ZNF503: variants seen among roughly 807,000 people sequenced by gnomAD.
ZNF503 encodes NocA-like zinc finger 2.
ZNF503 carries 15 observed loss-of-function variants against 34.4 expected under a neutral mutation model. That is an observed-to-expected ratio of 0.44 (90% CI 0.29 to 0.67). The LOEUF (loss-of-function observed/expected upper bound fraction) is 0.67, where lower values mean the gene tolerates loss of function less well. Ranked by LOEUF, ZNF503 falls within the 30% of genes least tolerant of loss-of-function variation. The pLI, the probability that ZNF503 is intolerant of heterozygous loss-of-function variation, is 0.13. For synonymous variants in ZNF503, 580 were observed against 456.8 expected, an observed-to-expected ratio of 1.27 and a Z score of -3.44; for missense variants, 1,007 against 926.8, an observed-to-expected ratio of 1.09 and a Z score of -1.12.
chr10:75,373,727 G>A, the ZNF503 span, among the ~76,000 whole-genome samples: 1 of 152,210 alleles, frequency 6.6e-6, no homozygotes, highest in African/African-American at 2.4e-5. Flanking sequence ...TGCAAAACAA[G>A]GAGAGGAATT....
the ZNF503 span, among the ~76,000 whole-genome samples, chr10:75,375,427 G>A: frequency 3.3e-5 from 5 of 152,098 alleles, no homozygotes; most frequent in Non-Finnish European, 7.4e-5. Context: ...CAGCCCAGAG[G>A]CTTTCATATG....
the ZNF503 span, among the ~76,000 whole-genome samples, chr10:75,368,373 A>G: frequency 3.3e-5 from 5 of 152,230 alleles, no homozygotes; most frequent in Non-Finnish European, 7.3e-5. Flanking sequence ...GAAGGGTTCA[A>G]AAATAAAAAA....
chr10:75,333,403 T>A, the ZNF503 span, among the ~76,000 whole-genome samples: 1 of 25,444 alleles, frequency 3.9e-5, no homozygotes, highest in Non-Finnish European at 7.3e-5. Flanking sequence ...GCTGGCCGGG[T>A]GGAGGGCTGA....
chr10:75,372,472 A>G, the ZNF503 span, among the ~76,000 whole-genome samples: 1 of 152,226 alleles, frequency 6.6e-6, no homozygotes. Context: ...CCACCACAGC[A>G]TCAAAACAGT....
At chr10:75,329,194 A>G in the ZNF503 span, among the ~76,000 whole-genome samples, 11 of 151,552 alleles carry the variant, frequency 7.3e-5, no homozygotes, top group South Asian at 6.3e-4. Context: ...TTGCTTTCTT[A>G]ATTTCTTTCT....
chr10:75,308,736 A>G, the ZNF503 span, among the ~76,000 whole-genome samples: 1 of 152,266 alleles, frequency 6.6e-6, no homozygotes, highest in Non-Finnish European at 1.5e-5. Flanking sequence ...CAGATGTGGT[A>G]GAAATAGCAA....
At chr10:75,369,084 A>G in the ZNF503 span, among the ~76,000 whole-genome samples, 6 of 152,204 alleles carry the variant, frequency 3.9e-5, no homozygotes, top group Non-Finnish European at 8.8e-5. Context: ...TTTAAGATAC[A>G]TTATTAAGTG....
the ZNF503 span, among the ~76,000 whole-genome samples, chr10:75,308,321 T>C: frequency 6.6e-6 from 1 of 151,426 alleles, no homozygotes; most frequent in African/African-American, 2.4e-5. Flanking sequence ...GAAAAAAAGA[T>C]TTCTTTTAAA....
chr10:75,345,417 A>G, the ZNF503 span, among the ~76,000 whole-genome samples: 1 of 151,968 alleles, frequency 6.6e-6, no homozygotes, highest in South Asian at 2.1e-4. Flanking sequence ...CAGGTGGATC[A>G]TGAGGTCAGG....
the ZNF503 span, among the ~76,000 whole-genome samples, chr10:75,336,004 A>G: frequency 6.6e-6 from 1 of 152,202 alleles, no homozygotes; most frequent in East Asian, 1.9e-4. Flanking sequence ...GACATTATCA[A>G]CTGGCAGCAT....
the ZNF503 span, among the ~76,000 whole-genome samples, chr10:75,365,442 G>A: frequency 2.0e-5 from 3 of 152,310 alleles, no homozygotes; most frequent in Non-Finnish European, 2.9e-5. Flanking sequence ...CACCGTGCCC[G>A]GCCCCACTTC....
the ZNF503 span, among the ~76,000 whole-genome samples, chr10:75,390,581 T>G: frequency 1.3e-5 from 2 of 152,216 alleles, no homozygotes; most frequent in East Asian, 3.9e-4. Flanking sequence ...TGAGGGCTTC[T>G]CCAGTAGCAC....
the ZNF503 span, among the ~76,000 whole-genome samples, chr10:75,329,426 C>T: frequency 1.2e-4 from 15 of 125,558 alleles, no homozygotes; most frequent in Admixed American, 3.3e-4. Context: ...TTCCTTCCTT[C>T]CTTCCTTCCT....
At chr10:75,311,407 C>T in the ZNF503 span, among the ~76,000 whole-genome samples, 1 of 152,170 alleles carries the variant, frequency 6.6e-6, no homozygotes, top group Non-Finnish European at 1.5e-5. Flanking sequence ...ATCCTTCAAT[C>T]CAATCAAATT....
the ZNF503 span, among the ~76,000 whole-genome samples, chr10:75,293,640 TGTGTGC>T: frequency 6.6e-6 from 1 of 151,732 alleles, no homozygotes; most frequent in African/African-American, 2.4e-5. Flanking sequence ...ACCATCTGTG[TGTGTGC>T]GTGTGTGTAT....
the ZNF503 span, among the ~76,000 whole-genome samples, chr10:75,310,605 C>A: frequency 2.0e-5 from 3 of 152,208 alleles, no homozygotes; most frequent in African/African-American, 7.2e-5. Context: ...CAAAACCCTA[C>A]CAGAATGATA....
the ZNF503 span, among the ~76,000 whole-genome samples, chr10:75,290,602 A>C: frequency 4.1e-4 from 62 of 152,314 alleles, no homozygotes; most frequent in African/African-American, 1.5e-3. Context: ...TCATGGAGAG[A>C]GGCAAGGTTA....
the ZNF503 span, among the ~76,000 whole-genome samples, chr10:75,392,071 G>A: frequency 2.0e-5 from 3 of 152,220 alleles, no homozygotes; most frequent in East Asian, 3.8e-4. Flanking sequence ...GGAAAAGAGG[G>A]TGGAGGACAA....
At chr10:75,395,827 G>T (rs1161275979), downstream of ZNF503, among the ~76,000 whole-genome samples, 1 of 152,240 alleles carries the variant, frequency 6.6e-6, no homozygotes, top group Non-Finnish European at 1.5e-5. This position sits in a 1 kb window ranked among gnomAD's most constrained non-coding sequence, Gnocchi z 4.4. Flanking sequence ...CTTTGGTTTT[G>T]GGTTGTGTTG....
Sources: gnomAD v4.1 joint callset for allele counts (sites outside exome capture counted in the v4.1 genomes callset) on GRCh38, gnomAD v4.1.1 for gene constraint, Gnocchi (gnomAD v3.1) non-coding constraint, MANE v1.5 for transcripts, NCBI Gene and HGNC (gene_info 2026-07-23, HGNC 2026-07-21) for gene names.